The following TBL1Y variants were observed in gnomAD, a reference collection of about 807,000 sequenced individuals.
TBL1Y encodes F-box-like/WD repeat-containing protein TBL1Y.
TBL1Y carries 15 observed loss-of-function variants against 12.0 expected under a neutral mutation model. The ratio of observed to expected loss-of-function variants is 1.25; its 90% CI spans 0.83 to 1.92. The LOEUF is 1.92. Among genes scored for constraint, TBL1Y ranks in the 40% most tolerant of loss-of-function variants. The probability of loss-of-function intolerance (pLI) is 0.00; values close to 1 mark genes in which losing one functional copy is unlikely to be tolerated. For synonymous variants in TBL1Y, 53 were observed against 42.6 expected (o/e 1.24, Z -0.95); for missense variants, 148 against 116.7 (o/e 1.27, Z -1.24).
intron 2 of TBL1Y, among the ~76,000 whole-genome samples, chrY:6,946,227 T>G (rs1027972827): frequency 1.8e-4 from 6 of 33,899 alleles, no homozygotes; most frequent in African/African-American, 6.9e-4. Flanking sequence ...TATCCAAATT[T>G]CAATGGAAAA....
At chrY:6,989,748 G>A (rs2012349559) in intron 3 of TBL1Y, among the ~76,000 whole-genome samples, 1 of 33,991 alleles carries the variant, frequency 2.9e-5, no homozygotes, top group Admixed American at 2.6e-4. Flanking sequence ...GTCTGACTCC[G>A]TGTAGCTTCT....
intron 2 of TBL1Y, among the ~76,000 whole-genome samples, chrY:6,959,381 G>GT (rs2012105545): frequency 3.0e-5 from 1 of 32,949 alleles, no homozygotes; most frequent in Non-Finnish European, 7.4e-5. Context: ...CATAGACACA[G>GT]TAACAGTCTG....
intron 2 of TBL1Y, among the ~76,000 whole-genome samples, chrY:6,948,324 T>G (rs2011998236): frequency 3.3e-5 from 1 of 30,460 alleles, no homozygotes; most frequent in Non-Finnish European, 7.8e-5. Flanking sequence ...CAGCAGTGAG[T>G]GGGGTTTGTA....
At chrY:7,030,027 C>G in intron 6 of TBL1Y, among the ~76,000 whole-genome samples, 1 of 34,010 alleles carries the variant, frequency 2.9e-5, no homozygotes, top group Admixed American at 2.7e-4. Flanking sequence ...CATTTTCATA[C>G]AGATCTTTTG....
intron 2 of TBL1Y, among the ~76,000 whole-genome samples, chrY:6,933,190 G>A (rs373730997): frequency 2.5e-3 from 84 of 33,837 alleles, no homozygotes; most frequent in East Asian, 0.023. Flanking sequence ...ATGAGCCACC[G>A]CTCCTGGCCC....
At chrY:7,014,204 T>G (rs1017408753) in intron 4 of TBL1Y, among the ~76,000 whole-genome samples, 2 of 32,953 alleles carry the variant, frequency 6.1e-5, no homozygotes, top group African/African-American at 1.2e-4. Context: ...TCTCATAGTT[T>G]AGCAACATCT....
At chrY:7,085,161 TACAC>T (rs35028329) in intron 14 of TBL1Y, among the ~76,000 whole-genome samples, 1,534 of 16,755 alleles carry the variant, frequency 0.092, no homozygotes, top group South Asian at 0.44. Context: ...CTGTAAAAAA[TACAC>T]ACACACACAC....
Position 6,985,917 on chromosome Y carries a change from A to G in TBL1Y, c.-235+7674A>G, listed in dbSNP as rs777026651. Among the ~76,000 whole-genome samples the G allele has an allele frequency of 2.4e-4, 8 of 33,177 alleles. No homozygotes were observed. In the South Asian group the frequency reaches 5.5e-3, roughly 23 times the overall value. The allele number at this position is 33,177 out of a possible 37,273, so 89.0% of individuals were successfully genotyped here. On this transcript the variant is annotated intron_variant, in intron 3 of 18. Coordinates refer to ENST00000383032, the MANE Select transcript of TBL1Y (RefSeq NM_033284.2). ...CACTGGGTTTTGTTCTAGATGTGAC[A>G]GGAAGCTCTTGTGGGAGTTTTAAGC...
intron 2 of TBL1Y, among the ~76,000 whole-genome samples, chrY:6,951,694 A>T (rs2012028122): frequency 1.5e-4 from 5 of 32,652 alleles, no homozygotes; most frequent in African/African-American, 6.0e-4. Flanking sequence ...CTCTGATCTT[A>T]GTTATTTCTT....
At chrY:6,994,918 G>A (rs2012400827) in intron 3 of TBL1Y, among the ~76,000 whole-genome samples, 2 of 33,703 alleles carry the variant, frequency 5.9e-5, no homozygotes, top group South Asian at 6.8e-4. Flanking sequence ...CTATAGCAAC[G>A]TTGCCACCAA....
At chrY:6,970,492 A>G in intron 2 of TBL1Y, among the ~76,000 whole-genome samples, 2 of 32,709 alleles carry the variant, frequency 6.1e-5, no homozygotes, top group African/African-American at 2.4e-4. Flanking sequence ...GGGTTCCACT[A>G]TGTTGGCCAG....
intron 3 of TBL1Y, among the ~76,000 whole-genome samples, chrY:6,982,056 G>T (rs2012286709): frequency 3.0e-5 from 1 of 33,438 alleles, no homozygotes; most frequent in East Asian, 7.8e-4. Context: ...AGAATTGGCC[G>T]TGGGAATATA....
chrY:6,947,209 G>A (rs764638012), intron 2 of TBL1Y, among the ~76,000 whole-genome samples: 1 of 33,265 alleles, frequency 3.0e-5, no homozygotes, highest in East Asian at 7.8e-4. Flanking sequence ...TGGGTAGGCC[G>A]GAAAGCTCAT....
chrY:7,074,529 T>G, intron 12 of TBL1Y, 31 bp from the exon 13 acceptor site: 1 of 393,545 alleles, frequency 2.5e-6, no homozygotes, highest in East Asian at 9.2e-5. Context: ...TGGGAGTAAT[T>G]ACTAACTTTT....
chrY:7,063,567 G>A (rs373759460), intron 7 of TBL1Y, among the ~76,000 whole-genome samples: 1 of 32,567 alleles, frequency 3.1e-5, no homozygotes, highest in Non-Finnish European at 7.5e-5. Context: ...ATGAGTCAGG[G>A]TGGAGCAGGT....
chrY:7,064,212 T>C, intron 8 of TBL1Y, 63 bp downstream of exon 8: 1 of 364,609 alleles, frequency 2.7e-6, no homozygotes, highest in Non-Finnish European at 3.9e-6. Context: ...CTTTTAAATC[T>C]GGGTCAGTCT....
chrY:6,920,297 A>T, intron 2 of TBL1Y: 1 of 33,886 alleles, frequency 3.0e-5, no homozygotes, highest in Non-Finnish European at 7.3e-5. Flanking sequence ...GACACCTCAC[A>T]TGCAAAGTGT....
intron 7 of TBL1Y, among the ~76,000 whole-genome samples, chrY:7,062,921 A>G: frequency 2.9e-5 from 1 of 33,988 alleles, no homozygotes; most frequent in East Asian, 8.0e-4. Context: ...CCAAGGAAAT[A>G]CTTTACCAGC....
chrY:7,035,589 A>G (rs1603041959), intron 6 of TBL1Y, among the ~76,000 whole-genome samples: 1 of 34,316 alleles, frequency 2.9e-5, no homozygotes, highest in East Asian at 7.7e-4. Context: ...AAAGAAAATT[A>G]GGAACATATA....
Sources: allele counts gnomAD v4.1 joint callset (sites outside exome capture counted in the v4.1 genomes callset), GRCh38; gene constraint gnomAD v4.1.1; transcripts MANE v1.5; gene names NCBI Gene and HGNC (gene_info 2026-07-23, HGNC 2026-07-21).